CFH: variants seen among roughly 807,000 people sequenced by gnomAD.
The protein encoded by CFH is complement factor H.
CFH carries 53 observed loss-of-function variants against 147.3 expected under a neutral mutation model. The observed-to-expected ratio is 0.36, with a 90% CI of 0.29 to 0.45. CFH has a LOEUF of 0.45. Among genes scored for constraint, CFH ranks in the 20% least tolerant of loss-of-function variants. The probability of loss-of-function intolerance (pLI) is 1.00; values close to 1 mark genes in which losing one functional copy is unlikely to be tolerated. For missense variants in CFH, 1,380 were observed against 1,498.0 expected, an observed-to-expected ratio of 0.92 and a Z score of 1.30; for synonymous variants, 536 against 489.4, an observed-to-expected ratio of 1.10 and a Z score of -1.26.
intron 7 of CFH, among the ~76,000 whole-genome samples, chr1:196,688,240 A>G (rs1189401238): frequency 2.0e-5 from 3 of 152,034 alleles, no homozygotes; most frequent in Admixed American, 1.3e-4. Flanking sequence ...AAATATATAA[A>G]CCTGTTAATA....
chr1:196,734,143 T>C (rs1318059376), intron 15 of CFH, among the ~76,000 whole-genome samples: 3 of 152,094 alleles, frequency 2.0e-5, no homozygotes, highest in Non-Finnish European at 4.4e-5. Context: ...TTGAGATTCC[T>C]TTTCTAATTG....
At position 196,679,750 on chromosome 1, in the gene CFH, T is replaced by C; in HGVS notation, c.747T>C (p.Ala249=). 1 of 1,611,846 alleles carries C rather than the reference T, an allele frequency of 6.2e-7. No individual in the cohort carries two copies. The highest frequency in any genetic ancestry group is 2.2e-5 in the East Asian group (1 of 44,754). ...ATGAATACAGTGAAAGAGGAGATGC[T>C]GTATGCACTGAATCTGGATGGCGTC... The part of the protein sequence containing the change: ...MGYEYSERGD[A]VCTESGWRPL... The change falls in exon 6 of 22, where the codon GCT becomes GCC. Residue 249 remains alanine, a synonymous_variant. Coordinates refer to ENST00000367429, the MANE Select transcript of CFH (RefSeq NM_000186.4).
intron 16 of CFH, 46 bp downstream of exon 16, chr1:196,737,052 T>A: frequency 6.7e-7 from 1 of 1,485,608 alleles, no homozygotes; most frequent in Non-Finnish European, 9.3e-7. Flanking sequence ...CAAATGAGGT[T>A]AATATTCTCT....
chr1:196,720,153 T>A (rs930576660), intron 11 of CFH, among the ~76,000 whole-genome samples: 1 of 151,930 alleles, frequency 6.6e-6, no homozygotes, highest in Non-Finnish European at 1.5e-5. Context: ...AATAAAGTTA[T>A]CATTGACTCT....
chr1:196,724,391 A>C (rs1239997835), intron 11 of CFH, among the ~76,000 whole-genome samples: 4 of 152,016 alleles, frequency 2.6e-5, no homozygotes, highest in Non-Finnish European at 5.9e-5. Flanking sequence ...GACCCTATTC[A>C]ACTAGTAGTT....
rs1668850632 is a variant in CFH, at chr1:196,715,578, T to C, written c.1520-15T>C. ...ATGACATTAGAAATGACATTCTAAA[T>C]TTTTTATGCACTAGAATCTTGTGAT... On this transcript the variant is annotated splice_polypyrimidine_tract_variant and intron_variant, in intron 10 of 21. Transcript: ENST00000367429. 1.9e-6 allele frequency: 3 copies of C among 1,597,916 alleles called. No individual in the cohort carries two copies. Among genetic ancestry groups the C allele is most frequent in the Middle Eastern group, 1.7e-4 (1 of 6,014 alleles).
At position 196,741,980 on chromosome 1, in the gene CFH, A is replaced by G; in HGVS notation, c.3062A>G (p.Tyr1021Cys). ...CAAGTGACTTACACTTGTGCAACAT[A>G]TTACAAAATGGATGGAGCCAGTAAT... ...GEQVTYTCAT[Y>C]YKMDGASNVT... Residue 1021 changes from tyrosine to cysteine, a missense_variant, in exon 19 of 22, where the codon TAT becomes TGT. By Grantham distance (194) the Tyr-to-Cys change is radical. Around this residue, in one of 4 missense-constraint regions of CFH, gnomAD observed 830 missense variants for 821.4 expected, o/e 1.01. Transcript: ENST00000367429. 1 of 1,614,194 alleles carries G rather than the reference A, an allele frequency of 6.2e-7. No individual in the cohort carries two copies. The highest frequency in any genetic ancestry group is 8.5e-7 in the Non-Finnish European group (1 of 1,180,030).
rs932901942 is a variant in CFH at position 196,727,010 on chromosome 1, A to T, written c.2236+70A>T. 6 of 1,446,294 alleles carry T rather than the reference A, an allele frequency of 4.1e-6. No individual in the cohort carries two copies. In the African/African-American group the frequency reaches 8.5e-5, roughly 20 times the overall value. The allele number at this position is 1,446,294 out of a possible 1,614,324, so 89.6% of individuals were successfully genotyped here. On this transcript the variant is annotated intron_variant, in intron 14 of 21. Coordinates refer to ENST00000367429, the MANE Select transcript of CFH (RefSeq NM_000186.4). The stretch of plus-strand genomic sequence containing the variant: ...TTTTATTGTAACAACAATAATTGCA[A>T]CTATATTTTTGAAATTTACAGATAT...
At chr1:196,689,924 G>A (rs1667965476) in intron 8 of CFH, 139 bp from the exon 9 acceptor site, 1 of 1,022,394 alleles carries the variant, frequency 9.8e-7, no homozygotes, top group Non-Finnish European at 1.4e-6. Context: ...AGTAACTTTA[G>A]TTCGTCTTCA....
intron 1 of CFH, among the ~76,000 whole-genome samples, chr1:196,665,702 G>A (rs1180596991): frequency 1.3e-5 from 2 of 152,128 alleles, no homozygotes; most frequent in Admixed American, 1.3e-4. Context: ...CCGCCTCTCA[G>A]GTTCAAGAGA....
At chr1:196,682,358 A>G (rs937368277) in intron 6 of CFH, among the ~76,000 whole-genome samples, 1 of 151,748 alleles carries the variant, frequency 6.6e-6, no homozygotes, top group Non-Finnish European at 1.5e-5. Flanking sequence ...ATAAAGGTAC[A>G]GGTTCGGGCA....
At chr1:196,706,402 A>C (rs530967335) in intron 9 of CFH, among the ~76,000 whole-genome samples, 17 of 152,202 alleles carry the variant, frequency 1.1e-4, no homozygotes, top group African/African-American at 4.1e-4. Flanking sequence ...ATTTGGTAGC[A>C]AGAAAAAAAA....
chr1:196,664,506 A>G (rs1667012561), intron 1 of CFH, among the ~76,000 whole-genome samples: 3 of 152,350 alleles, frequency 2.0e-5, no homozygotes, highest in South Asian at 4.1e-4. Context: ...CAGCTCTTCT[A>G]TTGTAACATA....
chr1:196,690,536 G>C (rs1243082560), intron 9 of CFH: 1 of 438,878 alleles, frequency 2.3e-6, no homozygotes, highest in East Asian at 5.0e-5. Flanking sequence ...TCATTGTCTG[G>C]GTAAATATCT....
chr1:196,746,382 C>T (rs1322373875), intron 21 of CFH, among the ~76,000 whole-genome samples: 3 of 152,114 alleles, frequency 2.0e-5, no homozygotes, highest in African/African-American at 4.8e-5. Flanking sequence ...ACCCGGGAGG[C>T]GGAGGTTGCA....
chr1:196,715,727 G>A lies in CFH; in HGVS notation c.1654G>A (p.Val552Met), dbSNP rs372365885. The change falls in exon 11 of 22, where the codon GTG becomes ATG. Residue 552 changes from valine (V) to methionine (M), a missense_variant. Physicochemically the swap from Val to Met is conservative, Grantham distance 21. Transcript: ENST00000367429. ...SNTGSTTGSIVCGYNGWSDLP... is the reference protein window; with the variant it reads ...SNTGSTTGSIMCGYNGWSDLP... Reference sequence around the variant, plus strand: ...TACTGGAAGCACCACTGGTTCCATAGTGTGTGGTTACAATGGTTGGTCTGA... The same window carrying A: ...TACTGGAAGCACCACTGGTTCCATAATGTGTGGTTACAATGGTTGGTCTGA... The A allele has an allele frequency of 1.2e-6, 2 of 1,612,640 alleles. No homozygotes were observed. The highest frequency in any genetic ancestry group is 1.7e-6 in the Non-Finnish European group (2 of 1,179,154).
rs34181066 is a variant in CFH at position 196,674,632 on chromosome 1, C to T, written c.350+670C>T. Among the ~76,000 whole-genome samples, 1,399 of 152,098 alleles carry T rather than the reference C, an allele frequency of 9.2e-3. 8 individuals carry two copies. Among genetic ancestry groups the T allele is most frequent in the South Asian group, 0.034 (165 of 4,814 alleles). On this transcript the variant is annotated intron_variant, in intron 3 of 21. Coordinates refer to ENST00000367429, the MANE Select transcript of CFH (RefSeq NM_000186.4). ...AAAACCAGGATTAGATCACTATAAT[C>T]GTATACTTCATAAATATAAATGTAA... is the stretch of plus-strand genomic sequence containing the variant.
intron 9 of CFH, among the ~76,000 whole-genome samples, chr1:196,690,670 G>A (rs1255521701): frequency 1.3e-5 from 2 of 152,162 alleles, no homozygotes; most frequent in Admixed American, 6.6e-5. Context: ...TTGTGAGAGA[G>A]AGCGGCACCT....
chr1:196,696,735 T>G (rs1396719347), intron 9 of CFH, among the ~76,000 whole-genome samples: 1 of 152,132 alleles, frequency 6.6e-6, no homozygotes, highest in Admixed American at 6.5e-5. Flanking sequence ...GGAGGCATCA[T>G]GCTACCTGAC....
Sources: allele counts gnomAD v4.1 joint callset (sites outside exome capture counted in the v4.1 genomes callset), GRCh38; gene constraint gnomAD v4.1.1; regional missense constraint gnomAD v4.1.1; transcripts MANE v1.5; gene names NCBI Gene and HGNC (gene_info 2026-07-23, HGNC 2026-07-21).